LAMA2: variants seen among roughly 807,000 people sequenced by gnomAD.
The protein encoded by LAMA2 is laminin subunit alpha 2.
A neutral mutation model predicts 364.8 loss-of-function variants in LAMA2; 269 were observed. The ratio of observed to expected loss-of-function variants is 0.74; its 90% CI spans 0.67 to 0.82. The LOEUF (loss-of-function observed/expected upper bound fraction) is 0.82. Ranked by LOEUF, LAMA2 falls within the 40% of genes least tolerant of loss-of-function variation. The pLI is 0.00. For synonymous variants in LAMA2, 1,379 were observed against 1,370.6 expected (o/e 1.01, Z -0.14); for missense variants, 3,807 against 3,873.2 (o/e 0.98, Z 0.45).
intron 17 of LAMA2, among the ~76,000 whole-genome samples, chr6:129,279,753 A>T (rs1488906720): frequency 6.6e-6 from 1 of 152,218 alleles, no homozygotes; most frequent in Non-Finnish European, 1.5e-5. Context: ...CCAGGCCTGG[A>T]GGAATTTCTA....
chr6:129,096,339 A>T (rs1305078784), intron 3 of LAMA2, among the ~76,000 whole-genome samples: 1 of 152,216 alleles, frequency 6.6e-6, no homozygotes, highest in African/African-American at 2.4e-5. Flanking sequence ...TTAAAAGTAA[A>T]ACATTTATGT....
chr6:129,085,607 G>A (rs1286577913), intron 3 of LAMA2, among the ~76,000 whole-genome samples: 3 of 152,172 alleles, frequency 2.0e-5, no homozygotes, highest in Non-Finnish European at 1.5e-5. Context: ...AACATGAGCA[G>A]CCAAACTTGC....
rs924229321 is a variant in LAMA2 at position 129,275,444 on chromosome 6, C to T, written c.2451-4617C>T. Among the ~76,000 whole-genome samples the T allele has an allele frequency of 4.6e-5, 7 of 151,678 alleles. No homozygotes were observed. The East Asian group carries it at 7.8e-4, about 17-fold the overall frequency. ...CCTCTCTGTGCTTCTTCCAATGGGG[C>T]TACAGTAATAGAAACAATTACAGAA... On this transcript the variant is annotated intron_variant, in intron 17 of 64. Transcript: ENST00000421865.
At chr6:129,341,695 A>C (rs1251323729) in intron 29 of LAMA2, among the ~76,000 whole-genome samples, 1 of 152,182 alleles carries the variant, frequency 6.6e-6, no homozygotes, top group Non-Finnish European at 1.5e-5. Flanking sequence ...GCTTCATGAA[A>C]ATTTTAATTT....
chr6:129,134,158 C>T (rs1339778636), intron 4 of LAMA2, among the ~76,000 whole-genome samples: 2 of 152,232 alleles, frequency 1.3e-5, no homozygotes, highest in Non-Finnish European at 2.9e-5. Context: ...TGTTCCGTCT[C>T]ACCAATGTAG....
chr6:129,128,367 A>G (rs1464113018), intron 4 of LAMA2, among the ~76,000 whole-genome samples: 1 of 152,156 alleles, frequency 6.6e-6, no homozygotes, highest in East Asian at 1.9e-4. Context: ...CTTTTTTGCC[A>G]GTACCATGCT....
Position 129,366,338 on chromosome 6 carries a change from G to A in LAMA2, c.4837G>A (p.Glu1613Lys), listed in dbSNP as rs1247084547. 3.2e-5 allele frequency: 52 copies of A among 1,613,740 alleles called. No individual in the cohort carries two copies. Among genetic ancestry groups the A allele is most frequent in the Non-Finnish European group, 4.4e-5 (52 of 1,179,990 alleles). Residue 1613 changes from glutamate (E) to lysine (K), a missense_variant, in exon 33 of 65, where the codon GAA becomes AAA. Physicochemically the swap from Glu to Lys is moderately conservative, Grantham distance 56. This residue lies in a region of LAMA2 where 3,333 missense variants were observed against 3,345.7 expected (regional missense o/e 1.00). Transcript: ENST00000421865. ...GCCATATAAAATGCTGTATGGTCTT[G>A]AAAATATGACTCAGGAGCTAAAGGT... ...PAPYKMLYGL[E>K]NMTQELKHLL...
chr6:128,889,793 A>C (rs191622424), intron 1 of LAMA2, among the ~76,000 whole-genome samples: 15 of 152,328 alleles, frequency 9.8e-5, no homozygotes, highest in Non-Finnish European at 1.6e-4. Flanking sequence ...TTGCTTGTCA[A>C]AGATGTATAA....
chr6:129,093,040 G>T (rs1774936816), intron 3 of LAMA2, among the ~76,000 whole-genome samples: 1 of 152,072 alleles, frequency 6.6e-6, no homozygotes, highest in African/African-American at 2.4e-5. Context: ...CGAGTGCAGT[G>T]GTGTGATCTC....
intron 20 of LAMA2, among the ~76,000 whole-genome samples, chr6:129,294,255 T>C (rs1427780068): frequency 6.6e-6 from 1 of 152,218 alleles, no homozygotes; most frequent in African/African-American, 2.4e-5. Flanking sequence ...GAGGTTCTAG[T>C]ATCTTACAGT....
intron 1 of LAMA2, among the ~76,000 whole-genome samples, chr6:128,948,537 C>T (rs9492150): frequency 0.13 from 19,406 of 152,078 alleles, 1,561 homozygotes; most frequent in African/African-American, 0.23. Flanking sequence ...TTCCTCTAAA[C>T]ATTAGTGTGA....
At chr6:129,023,040 G>A (rs569899972) in intron 1 of LAMA2, among the ~76,000 whole-genome samples, 2 of 152,060 alleles carry the variant, frequency 1.3e-5, no homozygotes, top group South Asian at 4.2e-4. Context: ...CATTTCACTT[G>A]CTTCTTGCTT....
At chr6:129,248,282 A>G (rs1785914534) in intron 12 of LAMA2, among the ~76,000 whole-genome samples, 1 of 152,176 alleles carries the variant, frequency 6.6e-6, no homozygotes, top group Non-Finnish European at 1.5e-5. Flanking sequence ...CCTGATGCCA[A>G]AAAGGTGGGG....
At chr6:128,972,201 C>CCTTA (rs1782226666) in intron 1 of LAMA2, among the ~76,000 whole-genome samples, 1 of 152,172 alleles carries the variant, frequency 6.6e-6, no homozygotes, top group South Asian at 2.1e-4. Flanking sequence ...AGCAATTACA[C>CCTTA]TGTTTGAAAA....
intron 29 of LAMA2, among the ~76,000 whole-genome samples, chr6:129,328,746 G>T (rs950656651): frequency 6.6e-6 from 1 of 152,018 alleles, no homozygotes; most frequent in African/African-American, 2.4e-5. Flanking sequence ...TTACAGAAAA[G>T]AATTAAGAAG....
chr6:129,153,235 AT>A (rs1350288847), intron 7 of LAMA2, among the ~76,000 whole-genome samples: 1 of 152,232 alleles, frequency 6.6e-6, no homozygotes, highest in Non-Finnish European at 1.5e-5. Flanking sequence ...TTTATAAGAC[AT>A]TACGCTAATG....
chr6:129,130,593 A>G (rs1241263958), intron 4 of LAMA2, among the ~76,000 whole-genome samples: 1 of 152,334 alleles, frequency 6.6e-6, no homozygotes, highest in East Asian at 1.9e-4. Flanking sequence ...CCTACAAAGA[A>G]GCCTGAGATA....
intron 40 of LAMA2, among the ~76,000 whole-genome samples, chr6:129,412,884 G>A (rs996301463): frequency 7.2e-5 from 11 of 152,160 alleles, no homozygotes; most frequent in Non-Finnish European, 1.6e-4. Flanking sequence ...TGTGCCCCAA[G>A]CTAACTGTAA....
At chr6:128,936,621 T>C (rs76984381) in intron 1 of LAMA2, among the ~76,000 whole-genome samples, 12,559 of 152,192 alleles carry the variant, frequency 0.083, 989 homozygotes, top group African/African-American at 0.2. Context: ...CAGCAAGAGA[T>C]TAACAACAAT....
Sources: gnomAD v4.1 joint callset for allele counts (sites outside exome capture counted in the v4.1 genomes callset) on GRCh38, gnomAD v4.1.1 for gene constraint, gnomAD v4.1.1 regional missense constraint, MANE v1.5 for transcripts, NCBI Gene and HGNC (gene_info 2026-07-23, HGNC 2026-07-21) for gene names.